The following MAML2 variants were observed in gnomAD, a reference collection of about 807,000 sequenced individuals.
MAML2 encodes the protein mastermind like transcriptional coactivator 2.
Under a neutral mutation model 96.1 loss-of-function variants are expected in MAML2, and 22 were observed. The observed-to-expected ratio is 0.23, with a 90% confidence interval of 0.16 to 0.33. The LOEUF (loss-of-function observed/expected upper bound fraction) is 0.33, where lower values mean the gene tolerates loss of function less well. Ranked by LOEUF, MAML2 falls within the 10% of genes least tolerant of loss-of-function variation. The pLI is 1.00. For missense variants in MAML2, 1,367 were observed against 1,392.4 expected, an observed-to-expected ratio of 0.98 and a Z score of 0.29; for synonymous variants, 561 against 521.3, an observed-to-expected ratio of 1.08 and a Z score of -1.04.
chr11:96,251,340 T>A (rs564031338), intron 1 of MAML2, among the ~76,000 whole-genome samples: 1 of 152,394 alleles, frequency 6.6e-6, no homozygotes, highest in South Asian at 2.1e-4. Context: ...ATTGGTGATC[T>A]ACGGTACCAT....
At chr11:96,254,873 T>G (rs1370219931) in intron 1 of MAML2, among the ~76,000 whole-genome samples, 3 of 152,138 alleles carry the variant, frequency 2.0e-5, no homozygotes, top group Non-Finnish European at 4.4e-5. Context: ...CAGGCTGGAG[T>G]GCATGGCGCA....
chr11:96,202,294 C>T (rs55947949), intron 1 of MAML2, among the ~76,000 whole-genome samples: 6,917 of 143,994 alleles, frequency 0.048, 228 homozygotes, highest in Middle Eastern at 0.085. Flanking sequence ...GAGATTGCAG[C>T]GAGCCGAGAT....
chr11:96,160,338 G>A (rs893392959), intron 1 of MAML2, among the ~76,000 whole-genome samples: 1 of 152,146 alleles, frequency 6.6e-6, no homozygotes, highest in Admixed American at 6.5e-5. Context: ...ATGGGCTTCC[G>A]AATCAGAAAG....
At chr11:96,244,349 A>G (rs1211348019) in intron 1 of MAML2, among the ~76,000 whole-genome samples, 1 of 152,232 alleles carries the variant, frequency 6.6e-6, no homozygotes, top group Non-Finnish European at 1.5e-5. Context: ...TATGTAAGCT[A>G]TGCTTGCAAT....
At chr11:96,273,505 C>T (rs1395834937) in intron 1 of MAML2, among the ~76,000 whole-genome samples, 4 of 152,116 alleles carry the variant, frequency 2.6e-5, no homozygotes, top group African/African-American at 7.2e-5. Context: ...TCTTTTGTAG[C>T]TTTCATCCTT....
At chr11:96,211,735 C>G (rs1320667498) in intron 1 of MAML2, among the ~76,000 whole-genome samples, 4 of 152,128 alleles carry the variant, frequency 2.6e-5, no homozygotes, top group South Asian at 4.1e-4. Context: ...GGGGTTGGAG[C>G]TCTAATCCTG....
chr11:96,023,415 G>A (rs373039086), intron 2 of MAML2, among the ~76,000 whole-genome samples: 3 of 152,186 alleles, frequency 2.0e-5, no homozygotes, highest in South Asian at 2.1e-4. Flanking sequence ...TTACCGCCTC[G>A]CTTTTCAGCA....
chr11:96,229,877 T>C (rs1406054120), intron 1 of MAML2, among the ~76,000 whole-genome samples: 2 of 152,100 alleles, frequency 1.3e-5, no homozygotes, highest in East Asian at 1.9e-4. Context: ...AAGGTGGGTG[T>C]GGATATGGAA....
rs1270527512 is a variant in MAML2 at position 95,978,655 on chromosome 11, A to G, written c.*293T>C. ...AGGGAAAAAGAAACTTGGGAAGGCT[A>G]TTTTACACAATTAATTACACATTGA... On this transcript the variant is annotated 3_prime_UTR_variant, in exon 5 of 5. Coordinates refer to ENST00000524717, the MANE Select transcript of MAML2 (RefSeq NM_032427.4). 3.1e-6 allele frequency: 1 copy of G among 321,136 alleles called. No homozygotes were observed. The highest frequency in any genetic ancestry group is 5.6e-6 in the Non-Finnish European group (1 of 176,998). The allele number at this position is 321,136 out of a possible 1,614,324, so 19.9% of individuals were successfully genotyped here.
intron 1 of MAML2, among the ~76,000 whole-genome samples, chr11:96,111,078 T>C (rs1360325505): frequency 5.9e-5 from 9 of 151,692 alleles, no homozygotes. Context: ...GGAGGGGTAG[T>C]GGGAAGGACA....
At chr11:96,334,113 C>T (rs922567311) in intron 1 of MAML2, among the ~76,000 whole-genome samples, 2 of 152,130 alleles carry the variant, frequency 1.3e-5, no homozygotes, top group African/African-American at 4.8e-5. Flanking sequence ...GGAAATCTAT[C>T]CCAGGTGATG....
At chr11:96,129,000 T>C (rs909972838) in intron 1 of MAML2, among the ~76,000 whole-genome samples, 2 of 152,210 alleles carry the variant, frequency 1.3e-5, no homozygotes, top group African/African-American at 4.8e-5. Context: ...TTGTTAGGCA[T>C]TTTGCGTGCA....
chr11:96,107,162 G>A (rs1208728918), intron 1 of MAML2, among the ~76,000 whole-genome samples: 1 of 151,716 alleles, frequency 6.6e-6, no homozygotes, highest in African/African-American at 2.4e-5. Flanking sequence ...TATGTCTTTT[G>A]CAGTCCCCCG....
At chr11:96,080,310 A>G (rs1164304312) in intron 2 of MAML2, among the ~76,000 whole-genome samples, 1 of 152,232 alleles carries the variant, frequency 6.6e-6, no homozygotes, top group East Asian at 1.9e-4. Context: ...TACCAGGAGA[A>G]GCAACTAAAA....
chr11:96,045,918 T>TC (rs1555001104), intron 2 of MAML2, among the ~76,000 whole-genome samples: 11 of 150,562 alleles, frequency 7.3e-5, no homozygotes, highest in Middle Eastern at 3.4e-3. Context: ...TTTTTTTTTT[T>TC]CCCCCATTCC....
intron 2 of MAML2, among the ~76,000 whole-genome samples, chr11:96,082,161 A>G (rs1376868586): frequency 1.5e-5 from 1 of 68,210 alleles, no homozygotes; most frequent in Non-Finnish European, 4.9e-5. Flanking sequence ...TAGATGGGTT[A>G]AGGTATGGAC....
chr11:96,075,345 G>A (rs1039960646), intron 2 of MAML2, among the ~76,000 whole-genome samples: 2 of 152,170 alleles, frequency 1.3e-5, no homozygotes, highest in Admixed American at 1.3e-4. Context: ...TATCACTAAG[G>A]TGCTCAGAAG....
intron 2 of MAML2, among the ~76,000 whole-genome samples, chr11:96,005,261 AC>A (rs1565187352): frequency 3.7e-4 from 56 of 151,996 alleles, no homozygotes; most frequent in Non-Finnish European, 7.5e-4. Flanking sequence ...GACAATTTTT[AC>A]TTCTTATCAC....
At chr11:96,119,777 G>A (rs952420587) in intron 1 of MAML2, among the ~76,000 whole-genome samples, 3 of 151,846 alleles carry the variant, frequency 2.0e-5, no homozygotes, top group East Asian at 1.9e-4. Context: ...ACAGTGCCTC[G>A]TTTCTTTCAA....
Sources: gnomAD v4.1 joint callset for allele counts (sites outside exome capture counted in the v4.1 genomes callset) on GRCh38, gnomAD v4.1.1 for gene constraint, MANE v1.5 for transcripts, NCBI Gene and HGNC (gene_info 2026-07-23, HGNC 2026-07-21) for gene names.